ME3: variants seen among roughly 807,000 people sequenced by gnomAD.
ME3 encodes the protein NADP-dependent malic enzyme, mitochondrial.
Under a neutral mutation model 68.9 loss-of-function variants are expected in ME3, and 48 were observed. That is an observed-to-expected ratio of 0.70 (90% confidence interval 0.55 to 0.89). ME3 has a LOEUF of 0.89. Ranked by LOEUF, ME3 falls within the 40% of genes least tolerant of loss-of-function variation. ME3 has a pLI of 0.00. For missense variants in ME3, 675 were observed against 797.4 expected, an observed-to-expected ratio of 0.85 and a Z score of 1.85; for synonymous variants, 320 against 318.8, an observed-to-expected ratio of 1.00 and a Z score of -0.04.
chr11:86,648,562 A>G (rs1185533156), intron 2 of ME3, among the ~76,000 whole-genome samples: 1 of 152,052 alleles, frequency 6.6e-6, no homozygotes, highest in African/African-American at 2.4e-5. Flanking sequence ...CTTTGGAAAG[A>G]TTAACAAAAC....
chr11:86,672,084 T>A, intron 1 of ME3, 126 bp from the exon 2 acceptor site: 1 of 787,648 alleles, frequency 1.3e-6, no homozygotes, highest in Non-Finnish European at 1.8e-6. Context: ...CCCAAAGGGT[T>A]AAATGTTCCA....
rs376489722 is a variant in ME3, at chr11:86,574,397, C to CG, written c.184-14575dup. ...GACCTTTGGATGGGGTATTTGTTGC[C>CG]GGGGGGGGGGGGGGTGTCTTTTTTG... is the stretch of plus-strand genomic sequence containing the variant. On this transcript the variant is annotated intron_variant, in intron 2 of 14. Transcript: ENST00000543262. Among the ~76,000 whole-genome samples the CG allele has an allele frequency of 2.3e-3, 133 of 57,878 alleles. 1 individual carries two copies. The highest frequency in any genetic ancestry group is 1.0e-2 in the South Asian group (9 of 904). 38.0% of individuals were successfully genotyped at this position (57,878 alleles called of 152,430 possible).
At chr11:86,615,758 A>G (rs927357859) in intron 2 of ME3, among the ~76,000 whole-genome samples, 10 of 152,170 alleles carry the variant, frequency 6.6e-5, no homozygotes, top group African/African-American at 1.7e-4. Flanking sequence ...TGAGGGTGCT[A>G]TGGCTTAGGG....
At chr11:86,600,918 C>A (rs1960530090) in intron 2 of ME3, among the ~76,000 whole-genome samples, 1 of 150,536 alleles carries the variant, frequency 6.6e-6, no homozygotes, top group Admixed American at 6.6e-5. Flanking sequence ...AACAAAGACA[C>A]AACATACCAG....
At chr11:86,609,862 G>T (rs891760358) in intron 2 of ME3, among the ~76,000 whole-genome samples, 1 of 152,066 alleles carries the variant, frequency 6.6e-6, no homozygotes, top group African/African-American at 2.4e-5. Context: ...GATAACTCTA[G>T]AAACACAGTA....
intron 2 of ME3, among the ~76,000 whole-genome samples, chr11:86,669,579 C>T (rs958045965): frequency 3.3e-5 from 5 of 152,262 alleles, no homozygotes; most frequent in Admixed American, 2.6e-4. Flanking sequence ...CGTGAGAACT[C>T]ATTCATTATC....
intron 7 of ME3, among the ~76,000 whole-genome samples, chr11:86,467,080 T>TA (rs1555203898): frequency 6.6e-6 from 1 of 152,212 alleles, no homozygotes; most frequent in African/African-American, 2.4e-5. Context: ...TAAAATGTGA[T>TA]GATTTGATAT....
At chr11:86,543,268 A>G (rs920871803) in intron 4 of ME3, among the ~76,000 whole-genome samples, 38 of 152,338 alleles carry the variant, frequency 2.5e-4, no homozygotes, top group African/African-American at 8.2e-4. Flanking sequence ...GTAACAAGCT[A>G]GCATCATAAT....
At chr11:86,658,200 T>C (rs1402367739) in intron 2 of ME3, among the ~76,000 whole-genome samples, 2 of 151,928 alleles carry the variant, frequency 1.3e-5, no homozygotes, top group Non-Finnish European at 2.9e-5. Context: ...CTTGGCGTAC[T>C]GCAACCTCCA....
intron 2 of ME3, among the ~76,000 whole-genome samples, chr11:86,641,883 A>T (rs564630875): frequency 6.9e-4 from 104 of 151,800 alleles, no homozygotes; most frequent in South Asian, 1.3e-3. Flanking sequence ...CTCTTTTTTT[A>T]AAAAAAAACT....
intron 2 of ME3, among the ~76,000 whole-genome samples, chr11:86,635,216 T>C (rs1408574899): frequency 6.6e-6 from 1 of 152,154 alleles, no homozygotes; most frequent in East Asian, 1.9e-4. Context: ...ACTTGAGCCT[T>C]GGCCCTGTAA....
chr11:86,651,112 G>A (rs1360668214), intron 2 of ME3, among the ~76,000 whole-genome samples: 2 of 152,240 alleles, frequency 1.3e-5, no homozygotes, highest in Non-Finnish European at 2.9e-5. Flanking sequence ...CAAACTGGGT[G>A]GAGACCACCA....
At chr11:86,634,222 C>G (rs949303613) in intron 2 of ME3, among the ~76,000 whole-genome samples, 1 of 151,966 alleles carries the variant, frequency 6.6e-6, no homozygotes, top group Non-Finnish European at 1.5e-5. Context: ...AAGTGGGGGC[C>G]CTGATTTAAA....
intron 5 of ME3, among the ~76,000 whole-genome samples, chr11:86,502,745 C>G (rs1337437123): frequency 1.3e-5 from 2 of 152,158 alleles, no homozygotes; most frequent in African/African-American, 4.8e-5. Context: ...TTCATAACTC[C>G]CCTGTCTCTC....
At chr11:86,454,972 C>G (rs898449077) in intron 8 of ME3, among the ~76,000 whole-genome samples, 2 of 152,150 alleles carry the variant, frequency 1.3e-5, no homozygotes, top group Non-Finnish European at 2.9e-5. Context: ...AGTTGGTGGC[C>G]AATAAGTGCA....
At chr11:86,567,244 AAGG>A (rs1431240254) in intron 2 of ME3, among the ~76,000 whole-genome samples, 3 of 7,150 alleles carry the variant, frequency 4.2e-4, no homozygotes, top group Middle Eastern at 0.042. Flanking sequence ...AAAAGAAAGA[AAGG>A]AAGGAAGGAA....
At chr11:86,672,406 C>T (rs1184556083) in exon 1 of ME3, 10 of 155,638 alleles carry the variant, frequency 6.4e-5, no homozygotes, top group Non-Finnish European at 1.4e-4. Context: ...GAGTCCTCTC[C>T]CGCCAATGGG....
At chr11:86,599,064 G>A (rs1004643877) in intron 2 of ME3, among the ~76,000 whole-genome samples, 1 of 152,236 alleles carries the variant, frequency 6.6e-6, no homozygotes, top group South Asian at 2.1e-4. Context: ...CCAAAGGAAC[G>A]CAGTTCCTCA....
chr11:86,494,736 G>A (rs1295185632), intron 6 of ME3, among the ~76,000 whole-genome samples: 1 of 151,876 alleles, frequency 6.6e-6, no homozygotes, highest in Admixed American at 6.5e-5. Flanking sequence ...AGGTGACAGT[G>A]TTGAAACACT....
Sources: allele counts gnomAD v4.1 joint callset (sites outside exome capture counted in the v4.1 genomes callset), GRCh38; gene constraint gnomAD v4.1.1; transcripts MANE v1.5; gene names NCBI Gene and HGNC (gene_info 2026-07-23, HGNC 2026-07-21).